BIN2: variants seen among roughly 807,000 people sequenced by gnomAD.
BIN2 encodes the protein breast cancer associated protein BRAP1.
In BIN2, 43 loss-of-function variants were observed where a neutral mutation model predicts 67.9. The ratio of observed to expected loss-of-function variants is 0.63; its 90% CI spans 0.50 to 0.82. The LOEUF is 0.82. BIN2 is among the 40% of genes least tolerant of loss of function. The pLI is 0.00. For missense variants in BIN2, 581 were observed against 671.6 expected, an observed-to-expected ratio of 0.87 and a Z score of 1.49; for synonymous variants, 244 against 246.8, an observed-to-expected ratio of 0.99 and a Z score of 0.11.
intron 5 of BIN2, 67 bp from the exon 6 acceptor site, chr12:51,299,781 A>G (rs2137391042): frequency 7.6e-7 from 1 of 1,309,902 alleles, no homozygotes; most frequent in South Asian, 1.2e-5. Context: ...AGGTAACAGA[A>G]TACCAAACAG....
intron 7 of BIN2, 126 bp downstream of exon 7, chr12:51,299,077 A>G (rs1945646605): frequency 2.6e-5 from 12 of 461,720 alleles, no homozygotes; most frequent in Admixed American, 2.5e-4. Context: ...CCTGTCTCGA[A>G]AAAAAAAAAA....
In BIN2 at chr12:51,304,882, T is replaced by C. The variant is rs968119568; in HGVS notation, c.163-1741A>G. Among the ~76,000 whole-genome samples, 13 of 151,634 alleles carry C rather than the reference T, an allele frequency of 8.6e-5. No individual in the cohort carries two copies. The East Asian group carries it at 2.3e-3, about 27-fold the overall frequency. On this transcript the variant is annotated intron_variant, in intron 2 of 12. Coordinates refer to ENST00000615107, the MANE Select transcript of BIN2 (RefSeq NM_016293.4). ...ATACAAAAAAATTAGCTGGGTGTGGTGGCGGGCACCTGTAGTCCCAGCTAC... is the reference window on the plus strand; with the variant it reads ...ATACAAAAAAATTAGCTGGGTGTGGCGGCGGGCACCTGTAGTCCCAGCTAC...
rs1273261212 is a variant in BIN2 at position 51,302,715 on chromosome 12, C to T, written c.283G>A (p.Gly95Ser). ...ACGATGGCCTTCAGCTCCTCATGAC[C>T]GTCCCACTCGCTGCTGTAGATCTCC... ...LQEIYSSEWDGHEELKAIVWN... is the reference protein window; with the variant it reads ...LQEIYSSEWDSHEELKAIVWN... Residue 95 changes from glycine to serine, a missense_variant, in exon 4 of 13, where the codon GGT becomes AGT. Coordinates refer to ENST00000615107, the MANE Select transcript of BIN2 (RefSeq NM_016293.4). The T allele has an allele frequency of 1.7e-5, 27 of 1,613,942 alleles. No homozygotes were observed. The highest frequency in any genetic ancestry group is 1.0e-4 in the Admixed American group (6 of 59,988).
At chr12:51,320,889 G>A (rs907037671) in intron 1 of BIN2, among the ~76,000 whole-genome samples, 4 of 146,796 alleles carry the variant, frequency 2.7e-5, no homozygotes, top group African/African-American at 1.0e-4. Flanking sequence ...CAAACAGATG[G>A]TGAAAGCAGT....
chr12:51,314,102 C>T (rs1466436499), intron 1 of BIN2, among the ~76,000 whole-genome samples, 199 bp from the exon 2 acceptor site: 2 of 151,958 alleles, frequency 1.3e-5, no homozygotes, highest in Non-Finnish European at 2.9e-5. Flanking sequence ...GGCTGGAGTG[C>T]AGTGGCACGA....
intron 1 of BIN2, among the ~76,000 whole-genome samples, chr12:51,315,705 T>TA (rs1207378028): frequency 6.6e-6 from 1 of 152,156 alleles, no homozygotes; most frequent in East Asian, 1.9e-4. Context: ...GTGGAAAACT[T>TA]TGAGAGGCCC....
intron 1 of BIN2, among the ~76,000 whole-genome samples, chr12:51,321,314 T>A (rs954418172): frequency 6.6e-6 from 1 of 152,172 alleles, no homozygotes; most frequent in Non-Finnish European, 1.5e-5. Flanking sequence ...AAAACAGAGA[T>A]GCTAATAACC....
At chr12:51,322,685 C>T (rs1265626687) in intron 1 of BIN2, 1 of 152,092 alleles carries the variant, frequency 6.6e-6, no homozygotes, top group Non-Finnish European at 1.5e-5. Flanking sequence ...GCTAGACCTT[C>T]CCATAGGCCC....
At chr12:51,318,682 G>A (rs1160837802) in intron 1 of BIN2, among the ~76,000 whole-genome samples, 1 of 152,144 alleles carries the variant, frequency 6.6e-6, no homozygotes, top group Non-Finnish European at 1.5e-5. Context: ...CTTACTGACT[G>A]TAAGTCTTCA....
upstream of BIN2, chr12:51,324,562 T>C: frequency 3.3e-6 from 5 of 1,516,090 alleles, no homozygotes; most frequent in Non-Finnish European, 2.6e-6. Context: ...GAAGCCGCCA[T>C]GTACACTGCG....
chr12:51,297,424 G>A (rs1434446466), intron 7 of BIN2: 9 of 287,414 alleles, frequency 3.1e-5, no homozygotes, highest in Non-Finnish European at 5.3e-5. Context: ...AAAATTAGCC[G>A]GGCGTGGTGG....
intron 1 of BIN2, among the ~76,000 whole-genome samples, chr12:51,321,839 G>T (rs1416181072): frequency 6.6e-6 from 1 of 152,184 alleles, no homozygotes; most frequent in East Asian, 1.9e-4. Context: ...AAAAAGTGTT[G>T]CAAGGAATTC....
At chr12:51,298,710 C>T (rs1232681996) in intron 7 of BIN2, among the ~76,000 whole-genome samples, 1 of 152,006 alleles carries the variant, frequency 6.6e-6, no homozygotes, top group African/African-American at 2.4e-5. Context: ...TCTATTAATG[C>T]ATCTCTTGTA....
At chr12:51,305,118 C>G (rs1945835771) in intron 2 of BIN2, among the ~76,000 whole-genome samples, 1 of 151,268 alleles carries the variant, frequency 6.6e-6, no homozygotes, top group African/African-American at 2.4e-5. Context: ...AGGTGGATCA[C>G]CCGAGGTCAG....
chr12:51,314,571 A>T (rs1248735267), intron 1 of BIN2, among the ~76,000 whole-genome samples: 1 of 151,940 alleles, frequency 6.6e-6, no homozygotes, highest in Non-Finnish European at 1.5e-5. Context: ...AGGCCAAGGC[A>T]GGTGGATCAC....
chr12:51,309,586 A>G (rs1945944831), intron 2 of BIN2, among the ~76,000 whole-genome samples: 1 of 151,904 alleles, frequency 6.6e-6, no homozygotes, highest in South Asian at 2.1e-4. Flanking sequence ...AGGTCTCACT[A>G]TGTTGCCCAG....
intron 1 of BIN2, among the ~76,000 whole-genome samples, chr12:51,314,132 T>C (rs7301933): frequency 0.34 from 51,936 of 151,542 alleles, 9,240 homozygotes; most frequent in Middle Eastern, 0.42. Flanking sequence ...ACTGCAACCT[T>C]CGCCTCCCAG....
At chr12:51,302,210 T>C (rs1204540383) in intron 4 of BIN2, 95 bp from the exon 5 acceptor site, 13 of 840,202 alleles carry the variant, frequency 1.5e-5, no homozygotes, top group Admixed American at 1.0e-4. Context: ...AAAACCTTTT[T>C]TGTAGCACCG....
intron 1 of BIN2, among the ~76,000 whole-genome samples, chr12:51,315,965 A>G (rs1270458499): frequency 2.0e-5 from 3 of 152,152 alleles, no homozygotes; most frequent in Non-Finnish European, 2.9e-5. Flanking sequence ...CATCCTGCGA[A>G]GTCCAAGTTA....
Sources: allele counts gnomAD v4.1 joint callset (sites outside exome capture counted in the v4.1 genomes callset), GRCh38; gene constraint gnomAD v4.1.1; transcripts MANE v1.5; gene names NCBI Gene and HGNC (gene_info 2026-07-23, HGNC 2026-07-21).